Variants in MLIP observed in about 807,000 individuals in gnomAD.
The protein encoded by MLIP is muscular LMNA interacting protein.
Under a neutral mutation model 84.8 loss-of-function variants are expected in MLIP, and 79 were observed. The observed-to-expected ratio is 0.93, with a 90% CI of 0.78 to 1.12. The LOEUF (loss-of-function observed/expected upper bound fraction) is 1.12, where lower values mean the gene tolerates loss of function less well. MLIP is among the 50% of genes most tolerant of loss of function. MLIP has a pLI of 0.00. For synonymous variants in MLIP, 504 were observed against 463.0 expected (o/e 1.09, Z -1.14); for missense variants, 1,257 against 1,160.6 (o/e 1.08, Z -1.21).
intron 10 of MLIP, among the ~76,000 whole-genome samples, chr6:54,195,609 G>A (rs1340081718): frequency 6.6e-6 from 1 of 152,028 alleles, no homozygotes; most frequent in Admixed American, 6.6e-5. Context: ...TATTTACATA[G>A]TGCCCAAAGT....
At chr6:54,225,578 G>A (rs945040965) in intron 11 of MLIP, among the ~76,000 whole-genome samples, 1 of 152,164 alleles carries the variant, frequency 6.6e-6, no homozygotes, top group Non-Finnish European at 1.5e-5. Context: ...CCCAGCAGAA[G>A]TTGCACAAAA....
chr6:54,265,324 T>G (rs991976073), intron 13 of MLIP, among the ~76,000 whole-genome samples: 2 of 152,142 alleles, frequency 1.3e-5, no homozygotes, highest in African/African-American at 4.8e-5. Flanking sequence ...TAAGTTTATC[T>G]TATCTGTTCC....
At chr6:54,035,710 T>C (rs1402336330) in intron 1 of MLIP, among the ~76,000 whole-genome samples, 1 of 152,066 alleles carries the variant, frequency 6.6e-6, no homozygotes, top group African/African-American at 2.4e-5. Flanking sequence ...ATTCCCTTGA[T>C]TGTTAGGGTG....
chr6:54,030,106 C>A (rs1397313492), intron 1 of MLIP, among the ~76,000 whole-genome samples: 1 of 152,154 alleles, frequency 6.6e-6, no homozygotes, highest in Admixed American at 6.5e-5. Flanking sequence ...TGATTTCAAG[C>A]AACTATCAGA....
In MLIP at chr6:54,230,782, T is replaced by C. The variant is rs767171367; in HGVS notation, c.2787T>C (p.Ala929=). ...ATCAGACTAAACTCTATCCTCCTGCTAAGTCACTGCTGCATCCACAGACCC... is the reference window on the plus strand; with the variant it reads ...ATCAGACTAAACTCTATCCTCCTGCCAAGTCACTGCTGCATCCACAGACCC... ...PLYQTKLYPP[A]KSLLHPQTLS... Residue 929 remains alanine, a synonymous_variant, in exon 12 of 14, where the codon GCT becomes GCC. Transcript: ENST00000502396. 1 of 1,614,164 alleles carries C rather than the reference T, an allele frequency of 6.2e-7. No homozygotes were observed. Among genetic ancestry groups the C allele is most frequent in the East Asian group, 2.2e-5 (1 of 44,884 alleles).
intron 11 of MLIP, chr6:54,217,141 C>T: frequency 1.0e-6 from 1 of 985,290 alleles, no homozygotes; most frequent in Non-Finnish European, 1.2e-6. Context: ...GTAATTTTAC[C>T]TATGGTACTC....
chr6:54,230,702 C>G lies in MLIP; in HGVS notation c.2719-12C>G. On this transcript the variant is annotated splice_polypyrimidine_tract_variant and intron_variant, in intron 11 of 13. Coordinates refer to ENST00000502396, the MANE Select transcript of MLIP (RefSeq NM_001281747.2). Reference sequence around the variant, plus strand: ...GCTAACATCCTCTTATGCCTTTCTTCTTCCCCACCAGGATGTAACAGTCCC... The same window carrying G: ...GCTAACATCCTCTTATGCCTTTCTTGTTCCCCACCAGGATGTAACAGTCCC... 6.2e-7 allele frequency: 1 copy of G among 1,613,062 alleles called. No individual in the cohort carries two copies. Among genetic ancestry groups the G allele is most frequent in the African/African-American group, 1.3e-5 (1 of 75,008 alleles).
intron 3 of MLIP, among the ~76,000 whole-genome samples, chr6:54,132,572 A>T (rs1426542619): frequency 1.3e-5 from 2 of 152,190 alleles, no homozygotes; most frequent in African/African-American, 4.8e-5. Context: ...AATGGGAGAA[A>T]TAGTAGGTTA....
chr6:54,210,094 A>C (rs1240400470), intron 11 of MLIP, among the ~76,000 whole-genome samples: 7 of 152,272 alleles, frequency 4.6e-5, no homozygotes, highest in African/African-American at 1.7e-4. Context: ...AATAATTGTG[A>C]CTGGCCTCAG....
chr6:54,253,054 G>A (rs1450915416), intron 12 of MLIP, among the ~76,000 whole-genome samples: 3 of 152,044 alleles, frequency 2.0e-5, no homozygotes, highest in Admixed American at 1.3e-4. Flanking sequence ...TTCATTCAGT[G>A]TCTACTCTGT....
intron 8 of MLIP, among the ~76,000 whole-genome samples, chr6:54,164,578 T>C (rs1354027521): frequency 6.6e-6 from 1 of 151,920 alleles, no homozygotes; most frequent in Non-Finnish European, 1.5e-5. Flanking sequence ...AACAAAACAT[T>C]TCCATCAACT....
intron 12 of MLIP, among the ~76,000 whole-genome samples, chr6:54,256,570 G>T (rs933591511): frequency 6.6e-6 from 1 of 152,090 alleles, no homozygotes; most frequent in East Asian, 1.9e-4. Context: ...CATTACAAAC[G>T]TTTGCTCTCC....
intron 8 of MLIP, 91 bp from the exon 9 acceptor site, chr6:54,169,437 A>G (rs1775542957): frequency 1.3e-6 from 1 of 749,486 alleles, no homozygotes; most frequent in Non-Finnish European, 2.0e-6. Context: ...GAAAGTCTCA[A>G]TTGAGAAGAA....
chr6:54,223,882 C>T (rs906513817), intron 11 of MLIP, among the ~76,000 whole-genome samples: 2 of 151,770 alleles, frequency 1.3e-5, no homozygotes, highest in African/African-American at 4.8e-5. Context: ...CATTATTTTT[C>T]AAATTATTGT....
At chr6:54,180,724 G>A (rs1048351053) in intron 9 of MLIP, among the ~76,000 whole-genome samples, 1 of 151,924 alleles carries the variant, frequency 6.6e-6, no homozygotes, top group African/African-American at 2.4e-5. Context: ...TTTATCTAAT[G>A]GAATTCTAAA....
intron 8 of MLIP, among the ~76,000 whole-genome samples, chr6:54,165,402 A>G (rs999873025): frequency 1.3e-5 from 2 of 151,922 alleles, no homozygotes; most frequent in African/African-American, 4.8e-5. Flanking sequence ...TGAAACCTAT[A>G]GTTAACTATT....
chr6:54,249,460 T>A lies in MLIP; in HGVS notation c.2923-7848T>A, dbSNP rs149623280. On this transcript the variant is annotated intron_variant, in intron 12 of 13. Coordinates refer to ENST00000502396, the MANE Select transcript of MLIP (RefSeq NM_001281747.2). Reference sequence around the variant, plus strand: ...ATACAGATTAAATCTTTAAGACATATAGCTAATTCTTTTTTTTTGATATGA... The same window carrying A: ...ATACAGATTAAATCTTTAAGACATAAAGCTAATTCTTTTTTTTTGATATGA... 2.0e-5 allele frequency among the ~76,000 whole-genome samples: 3 copies of A among 152,040 alleles called. No homozygotes were observed. The East Asian group carries it at 5.8e-4, about 29-fold the overall frequency.
At chr6:54,191,530 T>G (rs1777918604) in intron 10 of MLIP, among the ~76,000 whole-genome samples, 1 of 152,158 alleles carries the variant, frequency 6.6e-6, no homozygotes, top group African/African-American at 2.4e-5. Context: ...AAGACCCACC[T>G]TATACTTCCT....
rs139088144 is a variant in MLIP at position 54,124,722 on chromosome 6, G to A, written c.502G>A (p.Ala168Thr). 2.4e-5 allele frequency: 38 copies of A among 1,614,028 alleles called. No homozygotes were observed. The highest frequency in any genetic ancestry group is 1.6e-4 in the African/African-American group (12 of 74,916). The change falls in exon 3 of 14, where the codon GCA becomes ACA. Residue 168 changes from alanine to threonine, a missense_variant. Coordinates refer to ENST00000502396, the MANE Select transcript of MLIP (RefSeq NM_001281747.2). ...EQGPPGGIGT[A>T]AVRPKSLAIS... Reference sequence around the variant, plus strand: ...AGGCCCCCCAGGGGGGATTGGCACCGCAGCTGTCCGGCCCAAGTCTCTAGC... The same window carrying A: ...AGGCCCCCCAGGGGGGATTGGCACCACAGCTGTCCGGCCCAAGTCTCTAGC...
Sources: allele counts gnomAD v4.1 joint callset (sites outside exome capture counted in the v4.1 genomes callset), GRCh38; gene constraint gnomAD v4.1.1; transcripts MANE v1.5; gene names NCBI Gene and HGNC (gene_info 2026-07-23, HGNC 2026-07-21).